The following PRP4K variants were observed in gnomAD, a reference collection of about 807,000 sequenced individuals.
The protein encoded by PRP4K is pre-mRNA processing factor kinase PRP4K, also known as serine/threonine-protein kinase PRP4 homolog.
chr6:4,029,630 G>T, the PRP4K span, among the ~76,000 whole-genome samples: 1 of 152,150 alleles, frequency 6.6e-6, no homozygotes, highest in Non-Finnish European at 1.5e-5. Context: ...TGGGATTACA[G>T]ATGTGAGCCA....
chr6:4,051,513 C>T, the PRP4K span, among the ~76,000 whole-genome samples: 1 of 151,916 alleles, frequency 6.6e-6, no homozygotes, highest in African/African-American at 2.4e-5. Flanking sequence ...GACAGGGTTT[C>T]GCTATGTTGA....
chr6:4,043,653 A>G, the PRP4K span, among the ~76,000 whole-genome samples: 2 of 152,298 alleles, frequency 1.3e-5, no homozygotes, highest in East Asian at 1.9e-4. Flanking sequence ...TAGAAATTAC[A>G]TAAGGGATTG....
the PRP4K span, chr6:4,047,162 A>G: frequency 1.3e-6 from 2 of 1,591,316 alleles, no homozygotes; most frequent in Non-Finnish European, 1.7e-6. Context: ...CATTAATGCT[A>G]ATTTCCTTTA....
At chr6:4,029,853 A>G in the PRP4K span, among the ~76,000 whole-genome samples, 35 of 150,804 alleles carry the variant, frequency 2.3e-4, no homozygotes, top group African/African-American at 8.5e-4. Flanking sequence ...CCAGTATTTT[A>G]TGGTTATGTC....
At chr6:4,051,107 G>A in the PRP4K span, among the ~76,000 whole-genome samples, 6 of 151,810 alleles carry the variant, frequency 4.0e-5, no homozygotes, top group South Asian at 2.1e-4. Flanking sequence ...ACAGGGTTTC[G>A]CCATGTTGGC....
At chr6:4,056,123 T>A in the PRP4K span, among the ~76,000 whole-genome samples, 1 of 152,234 alleles carries the variant, frequency 6.6e-6, no homozygotes, top group Non-Finnish European at 1.5e-5. Context: ...TTTTTACTCA[T>A]TGTAATGAAT....
the PRP4K span, among the ~76,000 whole-genome samples, chr6:4,028,667 T>G: frequency 2.0e-5 from 3 of 152,358 alleles, no homozygotes; most frequent in African/African-American, 4.8e-5. Context: ...GGACGTAGCT[T>G]CTTCTGCACA....
At chr6:4,021,343 T>C in the PRP4K span, 2 of 1,540,098 alleles carry the variant, frequency 1.3e-6, no homozygotes, top group Non-Finnish European at 1.8e-6. Context: ...GCGCGGCAGC[T>C]CTTTTCCTTC....
chr6:4,043,319 C>T, the PRP4K span, among the ~76,000 whole-genome samples: 2 of 152,054 alleles, frequency 1.3e-5, no homozygotes, highest in Non-Finnish European at 2.9e-5. Context: ...AACTGATATC[C>T]CTGAAGATGT....
the PRP4K span, chr6:4,032,826 G>A: frequency 5.7e-6 from 8 of 1,401,630 alleles, no homozygotes; most frequent in Non-Finnish European, 7.5e-6. Flanking sequence ...TAGAACTTGT[G>A]GACCATTAAA....
At chr6:4,061,039 C>T in the PRP4K span, 1 of 198,994 alleles carries the variant, frequency 5.0e-6, no homozygotes, top group Non-Finnish European at 1.0e-5. Flanking sequence ...GCCACAGCAG[C>T]ATGCCCTTGG....
chr6:4,052,611 A>G, the PRP4K span: 2 of 877,324 alleles, frequency 2.3e-6, no homozygotes, highest in Non-Finnish European at 3.3e-6. Context: ...ACATATTTTT[A>G]TTTTGCGCTT....
chr6:4,060,085 C>CA, the PRP4K span, among the ~76,000 whole-genome samples: 27 of 152,322 alleles, frequency 1.8e-4, no homozygotes, highest in Admixed American at 8.5e-4. The surrounding 1 kb of genome is among the most constrained non-coding windows in gnomAD (Gnocchi z 4.7). Context: ...AGCATACACT[C>CA]ACACACATCT....
chr6:4,045,247 A>G, the PRP4K span, among the ~76,000 whole-genome samples: 1 of 152,178 alleles, frequency 6.6e-6, no homozygotes, highest in Admixed American at 6.5e-5. Flanking sequence ...ACTTGCCACA[A>G]AGTATTCTGT....
the PRP4K span, chr6:4,057,329 T>C: frequency 1.2e-6 from 1 of 830,748 alleles, no homozygotes; most frequent in Non-Finnish European, 1.8e-6. Flanking sequence ...CTTAGGGTCT[T>C]TCCCTTTTCT....
At chr6:4,043,869 C>T in the PRP4K span, 3 of 1,614,124 alleles carry the variant, frequency 1.9e-6, no homozygotes, top group Non-Finnish European at 2.5e-6. Flanking sequence ...AACCAAGCAG[C>T]CCCCAGAGCA....
the PRP4K span, among the ~76,000 whole-genome samples, chr6:4,028,761 T>C: frequency 6.6e-6 from 1 of 152,188 alleles, no homozygotes; most frequent in Non-Finnish European, 1.5e-5. Context: ...TGGTACCCTG[T>C]AGTGGCTATG....
chr6:4,060,802 G>A, the PRP4K span: 8 of 638,518 alleles, frequency 1.3e-5, no homozygotes, highest in Middle Eastern at 4.4e-4. The surrounding 1 kb of genome is among the most constrained non-coding windows in gnomAD (Gnocchi z 4.7). Flanking sequence ...TGTGTCTTAC[G>A]TGAAATTTCA....
chr6:4,040,910 A>C, the PRP4K span: 1 of 1,613,250 alleles, frequency 6.2e-7, no homozygotes, highest in East Asian at 2.2e-5. Context: ...TTGAGCAGGA[A>C]TCTTCGTCTG....
Sources: gnomAD v4.1 joint callset for allele counts (sites outside exome capture counted in the v4.1 genomes callset) on GRCh38, gnomAD v4.1.1 for gene constraint, Gnocchi (gnomAD v3.1) non-coding constraint, MANE v1.5 for transcripts, NCBI Gene and HGNC (gene_info 2026-07-23, HGNC 2026-07-21) for gene names.